Variants in CORO1C observed in about 807,000 individuals in gnomAD.
CORO1C encodes coronin-1C.
In CORO1C, 14 loss-of-function variants were observed where a neutral mutation model predicts 51.2. The observed-to-expected ratio is 0.27, with a 90% CI of 0.18 to 0.43. The LOEUF is 0.43. CORO1C is among the 20% of genes least tolerant of loss of function. The pLI is 1.00. For synonymous variants in CORO1C, 181 were observed against 210.5 expected, an observed-to-expected ratio of 0.86 and a Z score of 1.21; for missense variants, 417 against 607.8, an observed-to-expected ratio of 0.69 and a Z score of 3.30.
intron 3 of CORO1C, among the ~76,000 whole-genome samples, chr12:108,663,593 T>C (rs1172087306): frequency 6.6e-6 from 1 of 152,190 alleles, no homozygotes. Context: ...AGACCGCATA[T>C]TGCAGGATTC....
At chr12:108,693,845 A>G (rs942562155) in intron 2 of CORO1C, among the ~76,000 whole-genome samples, 1 of 150,864 alleles carries the variant, frequency 6.6e-6, no homozygotes, top group African/African-American at 2.4e-5. Flanking sequence ...ACGCAGAGGA[A>G]AAAAAAAAAC....
chr12:108,712,570 CAAAA>C (rs138128974), intron 1 of CORO1C, among the ~76,000 whole-genome samples: 3 of 66,508 alleles, frequency 4.5e-5, no homozygotes, highest in African/African-American at 6.0e-5. Flanking sequence ...GAAACTGTCT[CAAAA>C]AAAAAAAAAA....
In CORO1C at chr12:108,648,827, C is replaced by T. The variant is rs2032505006; in HGVS notation, c.1083G>A (p.Leu361=). Residue 361 remains leucine (L), a synonymous_variant, in exon 10 of 11, where the codon CTG becomes CTA. Transcript: ENST00000261401. ...PRKSDLFQDD[L]YPDTAGPEAA... is the part of the protein sequence containing the mutation. Reference sequence around the variant, plus strand: ...CCTCTGGCCCCGCTGTGTCAGGATACAGGTCATCTTGGAAAAGGTCAGACT... The same window carrying T: ...CCTCTGGCCCCGCTGTGTCAGGATATAGGTCATCTTGGAAAAGGTCAGACT... The T allele has an allele frequency of 1.9e-6, 3 of 1,614,100 alleles. No individual in the cohort carries two copies. The African/African-American group carries it at 4.0e-5, about 22-fold the overall frequency.
chr12:108,699,548 A>G (rs2034799533), intron 2 of CORO1C, among the ~76,000 whole-genome samples: 1 of 152,216 alleles, frequency 6.6e-6, no homozygotes, highest in Non-Finnish European at 1.5e-5. Context: ...CTAACAAGCT[A>G]TGGCTGTCTT....
chr12:108,712,482 G>A (rs1019078654), intron 1 of CORO1C, among the ~76,000 whole-genome samples: 3 of 147,190 alleles, frequency 2.0e-5, no homozygotes, highest in Non-Finnish European at 3.0e-5. Context: ...GCTGAGGCAC[G>A]AGAATTGCTT....
At chr12:108,672,757 T>G (rs1004849489) in intron 3 of CORO1C, among the ~76,000 whole-genome samples, 2 of 152,210 alleles carry the variant, frequency 1.3e-5, no homozygotes, top group Non-Finnish European at 2.9e-5. Context: ...TGTGTCACAT[T>G]TTGGCAATTC....
intron 3 of CORO1C, among the ~76,000 whole-genome samples, chr12:108,672,986 T>C (rs1362814226): frequency 3.9e-5 from 6 of 152,188 alleles, no homozygotes; most frequent in African/African-American, 1.4e-4. Context: ...ATCTGAGACA[T>C]AACAACATTG....
chr12:108,676,066 C>T (rs890907069), intron 3 of CORO1C, among the ~76,000 whole-genome samples: 3 of 152,228 alleles, frequency 2.0e-5, no homozygotes, highest in Non-Finnish European at 4.4e-5. Flanking sequence ...TAAAAGACTA[C>T]ATATCAAGTT....
intron 3 of CORO1C, among the ~76,000 whole-genome samples, chr12:108,674,268 T>TA (rs1315582385): frequency 6.6e-6 from 1 of 152,170 alleles, no homozygotes; most frequent in Non-Finnish European, 1.5e-5. Flanking sequence ...CAAAGTGAAT[T>TA]AAAAACCTTC....
intron 1 of CORO1C, among the ~76,000 whole-genome samples, chr12:108,706,195 ACAAAAAAAAC>A (rs927838933): frequency 3.3e-5 from 5 of 150,452 alleles, no homozygotes; most frequent in African/African-American, 1.2e-4. Context: ...TCAAAAAAAA[ACAAAAAAAAC>A]AAAAAAAAAG....
intron 4 of CORO1C, among the ~76,000 whole-genome samples, chr12:108,660,393 G>A (rs2033205838): frequency 6.7e-6 from 1 of 150,166 alleles, no homozygotes; most frequent in Non-Finnish European, 1.5e-5. Flanking sequence ...GGAGGTTGCG[G>A]TGAGCTGAGA....
At chr12:108,713,449 A>G (rs1231622129) in intron 1 of CORO1C, among the ~76,000 whole-genome samples, 1 of 152,254 alleles carries the variant, frequency 6.6e-6, no homozygotes, top group Non-Finnish European at 1.5e-5. Flanking sequence ...TCCAGGTAAC[A>G]GGTAAGATGC....
chr12:108,708,686 T>G (rs1451141159), intron 1 of CORO1C, among the ~76,000 whole-genome samples: 4 of 152,136 alleles, frequency 2.6e-5, no homozygotes, highest in Non-Finnish European at 5.9e-5. Flanking sequence ...GGTCTCAAAC[T>G]CCTGACCTCA....
At chr12:108,694,189 G>A (rs1343242417) in intron 2 of CORO1C, among the ~76,000 whole-genome samples, 3 of 150,214 alleles carry the variant, frequency 2.0e-5, no homozygotes, top group South Asian at 2.1e-4. Context: ...GGCTGAGGCA[G>A]GAGAAGTGCT....
At chr12:108,676,376 T>C (rs1208382587) in intron 3 of CORO1C, among the ~76,000 whole-genome samples, 1 of 152,102 alleles carries the variant, frequency 6.6e-6, no homozygotes, top group East Asian at 1.9e-4. Context: ...TACACACTAT[T>C]TTTTTTAAAA....
At chr12:108,713,197 TCTC>T (rs1218357441) in intron 1 of CORO1C, among the ~76,000 whole-genome samples, 2 of 152,150 alleles carry the variant, frequency 1.3e-5, no homozygotes, top group African/African-American at 4.8e-5. Flanking sequence ...ACACAACAGA[TCTC>T]CTCATACACA....
intron 2 of CORO1C, among the ~76,000 whole-genome samples, chr12:108,691,844 G>T (rs2034507342): frequency 1.3e-5 from 2 of 152,166 alleles, no homozygotes; most frequent in African/African-American, 4.8e-5. Flanking sequence ...AGGGGAGGGG[G>T]TGGGGTGGAA....
At chr12:108,696,784 G>A (rs2034701732) in intron 2 of CORO1C, among the ~76,000 whole-genome samples, 2 of 152,224 alleles carry the variant, frequency 1.3e-5, no homozygotes, top group Admixed American at 6.5e-5. Flanking sequence ...CAGCTTGATG[G>A]AAGCATTACA....
At chr12:108,714,165 C>T (rs181976535) in intron 1 of CORO1C, among the ~76,000 whole-genome samples, 10 of 151,466 alleles carry the variant, frequency 6.6e-5, no homozygotes, top group Admixed American at 4.6e-4. Flanking sequence ...CCGAGGTGGG[C>T]GGATCACGAA....
Sources: gnomAD v4.1 joint callset for allele counts (sites outside exome capture counted in the v4.1 genomes callset) on GRCh38, gnomAD v4.1.1 for gene constraint, MANE v1.5 for transcripts, NCBI Gene and HGNC (gene_info 2026-07-23, HGNC 2026-07-21) for gene names.